Variants in MSL2 observed in about 807,000 individuals in gnomAD.
The protein encoded by MSL2 is MSL complex subunit 2, also known as E3 ubiquitin-protein ligase MSL2.
MSL2 carries 2 observed loss-of-function variants against 35.8 expected under a neutral mutation model. The ratio of observed to expected loss-of-function variants is 0.06; its 90% CI spans 0.02 to 0.18. The LOEUF (loss-of-function observed/expected upper bound fraction) is 0.18. MSL2 is among the 10% of genes least tolerant of loss of function. The probability of loss-of-function intolerance (pLI) is 1.00; values close to 1 mark genes in which losing one functional copy is unlikely to be tolerated. For missense variants in MSL2, 523 were observed against 706.7 expected, an observed-to-expected ratio of 0.74 and a Z score of 2.95; for synonymous variants, 296 against 255.7, an observed-to-expected ratio of 1.16 and a Z score of -1.50.
chr3:136,169,478 T>C (rs1437825650), intron 1 of MSL2, among the ~76,000 whole-genome samples: 1 of 152,122 alleles, frequency 6.6e-6, no homozygotes, highest in African/African-American at 2.4e-5. Context: ...AGACGCAGTC[T>C]CACTCTGTCA....
chr3:136,181,514 C>G (rs1287665722), intron 1 of MSL2, among the ~76,000 whole-genome samples: 1 of 152,096 alleles, frequency 6.6e-6, no homozygotes, highest in East Asian at 1.9e-4. Flanking sequence ...TTCACTACCA[C>G]CGTGGAACAC....
intron 1 of MSL2, among the ~76,000 whole-genome samples, chr3:136,182,395 GAAC>G (rs1254234411): frequency 2.0e-5 from 3 of 152,178 alleles, no homozygotes; most frequent in South Asian, 4.1e-4. Context: ...AAACAGAATA[GAAC>G]AATAGGTTTT....
intron 1 of MSL2, among the ~76,000 whole-genome samples, chr3:136,192,038 G>GA (rs1176252507): frequency 3.9e-5 from 6 of 152,054 alleles, no homozygotes; most frequent in Admixed American, 3.3e-4. Flanking sequence ...AACTGTAAAA[G>GA]AAAAAACAAT....
intron 1 of MSL2, among the ~76,000 whole-genome samples, chr3:136,184,750 A>AGGGG (rs5852838): frequency 1.2e-3 from 89 of 74,542 alleles, no homozygotes; most frequent in African/African-American, 1.7e-3. Flanking sequence ...AAAAAAAAAA[A>AGGGG]GGGGGGGGGG....
chr3:136,155,696 G>A (rs1939498181), intron 1 of MSL2: 2 of 495,238 alleles, frequency 4.0e-6, no homozygotes, highest in Non-Finnish European at 4.1e-6. Flanking sequence ...TGAATGGGGG[G>A]AACTTGTATG....
At chr3:136,193,991 CTCT>C (rs1359593632) in intron 1 of MSL2, among the ~76,000 whole-genome samples, 1 of 152,204 alleles carries the variant, frequency 6.6e-6, no homozygotes, top group Non-Finnish European at 1.5e-5. Context: ...TCCCAAATTA[CTCT>C]TCTTCCTTTA....
At chr3:136,161,417 A>C (rs1023346375) in intron 1 of MSL2, among the ~76,000 whole-genome samples, 2 of 152,230 alleles carry the variant, frequency 1.3e-5, no homozygotes, top group Admixed American at 6.5e-5. Flanking sequence ...ACGTATGTGA[A>C]TGTGCACAGC....
intron 1 of MSL2, among the ~76,000 whole-genome samples, chr3:136,154,246 A>G (rs1939455163): frequency 6.6e-6 from 1 of 152,244 alleles, no homozygotes; most frequent in South Asian, 2.1e-4. Flanking sequence ...ACTAGGGTAT[A>G]ATACTGGGCT....
chr3:136,187,294 T>C (rs756329681), intron 1 of MSL2, among the ~76,000 whole-genome samples: 1 of 152,222 alleles, frequency 6.6e-6, no homozygotes, highest in Non-Finnish European at 1.5e-5. Context: ...TTTCATTTTA[T>C]GTTGTTCCCT....
At chr3:136,163,272 T>C (rs1939759866) in intron 1 of MSL2, among the ~76,000 whole-genome samples, 1 of 152,054 alleles carries the variant, frequency 6.6e-6, no homozygotes, top group Admixed American at 6.5e-5. Context: ...TAAATATAAA[T>C]ATAAATATAA....
chr3:136,195,599 CG>C lies in MSL2; in HGVS notation c.-487del. 1 of 986,602 alleles carries C rather than the reference CG, an allele frequency of 1.0e-6. No individual in the cohort carries two copies. The highest frequency in any genetic ancestry group is 1.2e-6 in the Non-Finnish European group (1 of 830,728). 61.1% of individuals were successfully genotyped at this position (986,602 alleles called of 1,614,324 possible). On this transcript the variant is annotated 5_prime_UTR_variant, in exon 1 of 2. Transcript: ENST00000309993. ...CCTCTTACTCCATCCCAGTACAGGGCGCGGAGGCGGCGGCGACGGCAAGGAC... is the reference window on the plus strand; with the variant it reads ...CCTCTTACTCCATCCCAGTACAGGGCCGGAGGCGGCGGCGACGGCAAGGAC...
At chr3:136,194,854 C>T (rs907113747) in intron 1 of MSL2, 118 bp downstream of exon 1, 4 of 1,473,948 alleles carry the variant, frequency 2.7e-6, no homozygotes, top group Admixed American at 4.2e-5. Context: ...CCGTACAGCG[C>T]TGCACAAATA....
At chr3:136,185,219 G>A (rs1045451194) in intron 1 of MSL2, among the ~76,000 whole-genome samples, 12 of 150,242 alleles carry the variant, frequency 8.0e-5, no homozygotes, top group South Asian at 2.1e-4. Context: ...CAAAGGATCC[G>A]CCAGCCCTAG....
chr3:136,183,626 T>C (rs569070196), intron 1 of MSL2, among the ~76,000 whole-genome samples: 54 of 152,312 alleles, frequency 3.5e-4, no homozygotes, highest in African/African-American at 1.3e-3. Context: ...TTTTGCCATG[T>C]TGCCCAGGCT....
At chr3:136,188,643 C>A (rs190595643) in intron 1 of MSL2, among the ~76,000 whole-genome samples, 178 of 150,062 alleles carry the variant, frequency 1.2e-3, no homozygotes, top group Non-Finnish European at 2.1e-3. Context: ...GTCAGCTACT[C>A]AGGACGATGA....
At chr3:136,193,178 T>C (rs1940738636) in intron 1 of MSL2, among the ~76,000 whole-genome samples, 1 of 152,212 alleles carries the variant, frequency 6.6e-6, no homozygotes, top group African/African-American at 2.4e-5. Flanking sequence ...TTTAATTCCA[T>C]TATTTAAAGT....
intron 1 of MSL2, among the ~76,000 whole-genome samples, chr3:136,181,097 G>A (rs1281535653): frequency 1.3e-5 from 2 of 151,882 alleles, no homozygotes; most frequent in Non-Finnish European, 2.9e-5. Flanking sequence ...AGGTTGCAGT[G>A]AGGTGAGATT....
intron 1 of MSL2, chr3:136,194,378 G>T (rs971547864): frequency 1.6e-5 from 16 of 981,506 alleles, no homozygotes; most frequent in African/African-American, 1.1e-4. Context: ...TGAAAAAGTG[G>T]TAAGTAAAAG....
Position 136,152,191 on chromosome 3 carries a change from A to T in MSL2, c.690T>A (p.Asp230Glu). The change falls in exon 2 of 2, where the codon GAT becomes GAA. Residue 230 changes from aspartate to glutamate, a missense_variant. By Grantham distance (45) the Asp-to-Glu change is conservative. Transcript: ENST00000309993. ...AAACGGGTGGCAGGCTGTCAGACAGATCCTCAGTTTTTATGTCAACAGTAT... is the reference window on the plus strand; with the variant it reads ...AAACGGGTGGCAGGCTGTCAGACAGTTCCTCAGTTTTTATGTCAACAGTAT... ...VCNTVDIKTE[D>E]LSDSLPPVCD... 1 of 1,614,166 alleles carries T rather than the reference A, an allele frequency of 6.2e-7. No individual in the cohort carries two copies. Among genetic ancestry groups the T allele is most frequent in the Non-Finnish European group, 8.5e-7 (1 of 1,180,002 alleles).
Sources: allele counts gnomAD v4.1 joint callset (sites outside exome capture counted in the v4.1 genomes callset), GRCh38; gene constraint gnomAD v4.1.1; transcripts MANE v1.5; gene names NCBI Gene and HGNC (gene_info 2026-07-23, HGNC 2026-07-21).